TRABD2B: variants seen among roughly 807,000 people sequenced by gnomAD.
The protein encoded by TRABD2B is metalloprotease TIKI2.
Under a neutral mutation model 40.1 loss-of-function variants are expected in TRABD2B, and 14 were observed. The observed-to-expected ratio is 0.35, with a 90% CI of 0.23 to 0.55. TRABD2B has a LOEUF of 0.55. Among genes scored for constraint, TRABD2B ranks in the 20% least tolerant of loss-of-function variants. TRABD2B has a pLI of 0.90. For missense variants in TRABD2B, 541 were observed against 648.6 expected, an observed-to-expected ratio of 0.83 and a Z score of 1.80; for synonymous variants, 263 against 277.0, an observed-to-expected ratio of 0.95 and a Z score of 0.50.
At chr1:47,911,053 T>C (rs1479549905) in intron 2 of TRABD2B, among the ~76,000 whole-genome samples, 1 of 152,326 alleles carries the variant, frequency 6.6e-6, no homozygotes, top group Non-Finnish European at 1.5e-5. Flanking sequence ...GAAAGGAGCC[T>C]GAACCCTCCA....
At chr1:47,942,816 G>C (rs1345733000) in intron 2 of TRABD2B, among the ~76,000 whole-genome samples, 1 of 152,178 alleles carries the variant, frequency 6.6e-6, no homozygotes, top group Non-Finnish European at 1.5e-5. Flanking sequence ...TTAGGAACTT[G>C]CTCTACACAG....
At chr1:47,848,613 T>C (rs1337066200) in intron 2 of TRABD2B, among the ~76,000 whole-genome samples, 2 of 152,212 alleles carry the variant, frequency 1.3e-5, no homozygotes, top group African/African-American at 2.4e-5. Flanking sequence ...CTAGTTTAAA[T>C]TCTCAGCTTG....
intron 2 of TRABD2B, among the ~76,000 whole-genome samples, chr1:47,957,153 T>C (rs1354443653): frequency 6.6e-6 from 1 of 152,152 alleles, no homozygotes. Flanking sequence ...TCCTGACTGT[T>C]AGAAAGAAAA....
At chr1:47,827,039 C>G (rs574307838) in intron 2 of TRABD2B, among the ~76,000 whole-genome samples, 1 of 152,318 alleles carries the variant, frequency 6.6e-6, no homozygotes, top group African/African-American at 2.4e-5. Context: ...GGTGTCCACA[C>G]TCCATGGAGG....
At chr1:47,944,537 G>A (rs1038948379) in intron 2 of TRABD2B, among the ~76,000 whole-genome samples, 1 of 152,202 alleles carries the variant, frequency 6.6e-6, no homozygotes. Context: ...GTGCAGGCCA[G>A]ACATGGTGAA....
rs1191180533 is a variant in TRABD2B at position 47,761,430 on chromosome 1, C to G, written c.*4472G>C. On this transcript the variant is annotated 3_prime_UTR_variant, in exon 7 of 7. Coordinates refer to ENST00000606738, the MANE Select transcript of TRABD2B (RefSeq NM_001194986.2). ...CTCCTCCACCTTTCAGAAGTTCCCCCACCCAAAGGCAGCAGTCAAGCCCAG... is the reference window on the plus strand; with the variant it reads ...CTCCTCCACCTTTCAGAAGTTCCCCGACCCAAAGGCAGCAGTCAAGCCCAG... 6.6e-6 allele frequency: 1 copy of G among 152,350 alleles called. No individual in the cohort carries two copies. The highest frequency in any genetic ancestry group is 1.5e-5 in the Non-Finnish European group (1 of 68,184). The allele number at this position is 152,350 out of a possible 1,614,324, so 9.4% of individuals were successfully genotyped here. A position where few individuals can be genotyped will look rare whatever the true frequency, so the allele number is the denominator to read the frequency against.
intron 2 of TRABD2B, among the ~76,000 whole-genome samples, chr1:47,862,549 T>TAC (rs1446424229): frequency 6.6e-6 from 1 of 151,922 alleles, no homozygotes; most frequent in Non-Finnish European, 1.5e-5. Context: ...ATGCACAAGA[T>TAC]ATATATGAGA....
At chr1:47,938,229 G>T (rs1442906598) in intron 2 of TRABD2B, among the ~76,000 whole-genome samples, 2 of 152,204 alleles carry the variant, frequency 1.3e-5, no homozygotes, top group Non-Finnish European at 2.9e-5. Context: ...GGTGAGCGGG[G>T]TTCAACGCTG....
Position 47,996,811 on chromosome 1 carries a change from C to T in TRABD2B, c.-22G>A. The stretch of plus-strand genomic sequence containing the variant: ...GCATCCTGCCAGGGCCCGCGGGGCG[C>T]GGGGGACCCTCCTGGGCGGCGCCCC... On this transcript the variant is annotated 5_prime_UTR_variant, in exon 1 of 7. Coordinates refer to ENST00000606738, the MANE Select transcript of TRABD2B (RefSeq NM_001194986.2). The surrounding 1 kb of genome is among the most constrained non-coding windows in gnomAD (Gnocchi z 4.6). 8.4e-7 allele frequency: 1 copy of T among 1,183,722 alleles called. No individual in the cohort carries two copies. Among genetic ancestry groups the T allele is most frequent in the Non-Finnish European group, 1.0e-6 (1 of 956,960 alleles). The allele number at this position is 1,183,722 out of a possible 1,614,324, so 73.3% of individuals were successfully genotyped here.
At chr1:47,956,089 G>A (rs1021284678) in intron 2 of TRABD2B, among the ~76,000 whole-genome samples, 11 of 152,136 alleles carry the variant, frequency 7.2e-5, no homozygotes, top group African/African-American at 2.7e-4. Context: ...GGTGGTGAGA[G>A]GTATTTGTTG....
At chr1:47,768,474 C>T (rs1644335470) in intron 6 of TRABD2B, among the ~76,000 whole-genome samples, 1 of 152,150 alleles carries the variant, frequency 6.6e-6, no homozygotes, top group African/African-American at 2.4e-5. Flanking sequence ...CCCTCTCCAT[C>T]ACACCTACAG....
At chr1:47,983,582 C>G (rs534721966) in intron 2 of TRABD2B, among the ~76,000 whole-genome samples, 63 of 152,098 alleles carry the variant, frequency 4.1e-4, no homozygotes, top group Non-Finnish European at 1.6e-4. Context: ...TGTGACCAAT[C>G]CACAGCTCTT....
chr1:47,871,671 T>C (rs1644142889), intron 2 of TRABD2B, among the ~76,000 whole-genome samples: 1 of 152,090 alleles, frequency 6.6e-6, no homozygotes, highest in South Asian at 2.1e-4. Flanking sequence ...ACTTCACAGG[T>C]AGGGAAAGCG....
At chr1:47,979,229 C>A (rs1416187801) in intron 2 of TRABD2B, among the ~76,000 whole-genome samples, 1 of 152,082 alleles carries the variant, frequency 6.6e-6, no homozygotes, top group East Asian at 1.9e-4. Context: ...GATACTCAGG[C>A]GATGATGTGT....
At chr1:47,969,106 C>T (rs1645644419) in intron 2 of TRABD2B, among the ~76,000 whole-genome samples, 2 of 152,222 alleles carry the variant, frequency 1.3e-5, no homozygotes, top group African/African-American at 4.8e-5. Flanking sequence ...AAGCCACTAC[C>T]ATTAGGTCCT....
chr1:47,863,376 A>T (rs750261461), intron 2 of TRABD2B, among the ~76,000 whole-genome samples: 4 of 104,978 alleles, frequency 3.8e-5, no homozygotes, highest in African/African-American at 1.7e-4. Flanking sequence ...ATAATTTTAT[A>T]TATATATATA....
chr1:47,869,313 G>A (rs1009747598), intron 2 of TRABD2B, among the ~76,000 whole-genome samples: 2 of 152,202 alleles, frequency 1.3e-5, no homozygotes, highest in Non-Finnish European at 2.9e-5. Flanking sequence ...AAAGTCTCAA[G>A]ACTTGTTGAA....
chr1:47,884,380 G>A (rs908658100), intron 2 of TRABD2B, among the ~76,000 whole-genome samples: 1 of 152,188 alleles, frequency 6.6e-6, no homozygotes, highest in East Asian at 1.9e-4. Flanking sequence ...CACACAACAC[G>A]GTAGAAAATA....
intron 2 of TRABD2B, among the ~76,000 whole-genome samples, chr1:47,915,709 T>C (rs973036804): frequency 1.3e-5 from 2 of 152,158 alleles, no homozygotes; most frequent in Non-Finnish European, 2.9e-5. Context: ...CAGCTGTTCA[T>C]ACAGAACCAG....
Sources: allele counts gnomAD v4.1 joint callset (sites outside exome capture counted in the v4.1 genomes callset), GRCh38; gene constraint gnomAD v4.1.1; non-coding constraint Gnocchi (gnomAD v3.1); transcripts MANE v1.5; gene names NCBI Gene and HGNC (gene_info 2026-07-23, HGNC 2026-07-21).